NBAS: variants seen among roughly 807,000 people sequenced by gnomAD.
The protein encoded by NBAS is NBAS subunit of NRZ tethering complex.
NBAS carries 219 observed loss-of-function variants against 302.5 expected under a neutral mutation model. The ratio of observed to expected loss-of-function variants is 0.72; its 90% CI spans 0.65 to 0.81. The LOEUF (loss-of-function observed/expected upper bound fraction) is 0.81. Ranked by LOEUF, NBAS falls within the 30% of genes least tolerant of loss-of-function variation. NBAS has a pLI of 0.00. For synonymous variants in NBAS, 1,118 were observed against 1,021.6 expected, an observed-to-expected ratio of 1.09 and a Z score of -1.80; for missense variants, 2,932 against 2,841.6, an observed-to-expected ratio of 1.03 and a Z score of -0.72.
At chr2:15,239,536 A>C (rs1167713576) in intron 44 of NBAS, among the ~76,000 whole-genome samples, 1 of 151,910 alleles carries the variant, frequency 6.6e-6, no homozygotes, top group Admixed American at 6.6e-5. Context: ...GCTGAAATCC[A>C]AAATGCTCCA....
the NBAS span, among the ~76,000 whole-genome samples, chr2:15,017,072 T>C: frequency 6.6e-6 from 1 of 152,038 alleles, no homozygotes; most frequent in East Asian, 1.9e-4. Flanking sequence ...GAAAGGACAA[T>C]GTCTTCAACA....
chr2:15,037,875 T>C, the NBAS span, among the ~76,000 whole-genome samples: 2 of 152,078 alleles, frequency 1.3e-5, no homozygotes, highest in Non-Finnish European at 2.9e-5. Context: ...GTTTCAGTCA[T>C]ACTATTTGGG....
intron 24 of NBAS, among the ~76,000 whole-genome samples, 185 bp from the exon 25 acceptor site, chr2:15,415,904 T>C (rs1395200307): frequency 6.6e-6 from 1 of 152,022 alleles, no homozygotes; most frequent in Non-Finnish European, 1.5e-5. Flanking sequence ...AGCAGGAAAA[T>C]GAATCACCTG....
chr2:14,890,791 C>G, the NBAS span: 2 of 161,664 alleles, frequency 1.2e-5, no homozygotes, highest in African/African-American at 2.4e-5. Flanking sequence ...CCATTGCACT[C>G]CAGCCTGGGG....
At chr2:14,848,040 A>G in the NBAS span, among the ~76,000 whole-genome samples, 2 of 152,248 alleles carry the variant, frequency 1.3e-5, no homozygotes. Context: ...CAATATGTCA[A>G]TGAAGAAATT....
At chr2:15,182,587 G>A (rs1017509716) in intron 50 of NBAS, among the ~76,000 whole-genome samples, 8 of 152,298 alleles carry the variant, frequency 5.3e-5, no homozygotes, top group African/African-American at 1.2e-4. Context: ...TCGTCTCAGC[G>A]AAATCCTGGA....
Position 15,468,510 on chromosome 2 carries a change from C to T in NBAS, c.1749G>A (p.Trp583Ter), listed in dbSNP as rs770446752. The change falls in exon 17 of 52, where the codon TGG (tryptophan) becomes TGA (stop). Residue 583 changes from tryptophan (W) to a stop codon, truncating the protein, a stop_gained. Coordinates refer to ENST00000281513, the MANE Select transcript of NBAS (RefSeq NM_015909.4). LOFTEE classifies it high-confidence loss of function. ...NYLSKIKKRS[W>*]VLHECLERVP... ...CTCTTTCCAAACACTCATGGAGAACCCAGGATCGCTTCTTTATTTTACTCT... is the reference window on the plus strand; with the variant it reads ...CTCTTTCCAAACACTCATGGAGAACTCAGGATCGCTTCTTTATTTTACTCT... 5 of 1,613,984 alleles carry T rather than the reference C, an allele frequency of 3.1e-6. No individual in the cohort carries two copies. The Admixed American group carries it at 5.0e-5, about 16-fold the overall frequency.
the NBAS span, among the ~76,000 whole-genome samples, chr2:15,129,569 C>T: frequency 9.2e-5 from 14 of 152,204 alleles, no homozygotes; most frequent in Non-Finnish European, 1.6e-4. Context: ...CCTGCATGCA[C>T]GCAGTTTGAC....
At chr2:15,101,118 C>T in the NBAS span, among the ~76,000 whole-genome samples, 1 of 152,160 alleles carries the variant, frequency 6.6e-6, no homozygotes, top group Non-Finnish European at 1.5e-5. Context: ...GGATCGACAC[C>T]TCTTTGTGAG....
intron 9 of NBAS, among the ~76,000 whole-genome samples, chr2:15,516,722 CAAAAAAAAAAAAA>C (rs67488599): frequency 0.68 from 93,330 of 136,440 alleles, 29,958 homozygotes; most frequent in Middle Eastern, 0.73. Context: ...GACTCCATTT[CAAAAAAAAAAAAA>C]AAAAAAAAGA....
intron 28 of NBAS, among the ~76,000 whole-genome samples, chr2:15,386,403 C>CT (rs1399739379): frequency 1.3e-5 from 2 of 152,188 alleles, no homozygotes; most frequent in Non-Finnish European, 2.9e-5. Context: ...AACTGAATCT[C>CT]TAAATCCTAA....
the NBAS span, among the ~76,000 whole-genome samples, chr2:15,093,755 A>G: frequency 6.6e-6 from 1 of 152,250 alleles, no homozygotes; most frequent in Non-Finnish European, 1.5e-5. Context: ...ATGGTGTTTG[A>G]AACAATAATT....
intron 23 of NBAS, among the ~76,000 whole-genome samples, chr2:15,423,230 T>A (rs774041883): frequency 6.6e-6 from 1 of 152,218 alleles, no homozygotes; most frequent in Admixed American, 6.5e-5. Context: ...ATTCACTTCA[T>A]CGTGTTATCT....
chr2:15,100,385 A>G, the NBAS span, among the ~76,000 whole-genome samples: 2 of 152,220 alleles, frequency 1.3e-5, no homozygotes, highest in African/African-American at 4.8e-5. Flanking sequence ...GGTCAGTTGT[A>G]GGCAGGCTGT....
intron 21 of NBAS, among the ~76,000 whole-genome samples, chr2:15,437,762 T>A (rs1678104256): frequency 6.6e-6 from 1 of 152,140 alleles, no homozygotes; most frequent in Non-Finnish European, 1.5e-5. Context: ...CTAAAATTTT[T>A]AAAAATAAAT....
At chr2:14,974,050 A>C in the NBAS span, among the ~76,000 whole-genome samples, 1 of 152,186 alleles carries the variant, frequency 6.6e-6, no homozygotes, top group Admixed American at 6.5e-5. Context: ...AGAAAAGGAC[A>C]ATCTCCTCAC....
chr2:14,849,995 C>T, the NBAS span, among the ~76,000 whole-genome samples: 22 of 139,270 alleles, frequency 1.6e-4, 1 homozygote, highest in East Asian at 9.7e-4. Context: ...TGTAGACAAT[C>T]GAGACTAGGA....
chr2:14,980,503 AG>A, the NBAS span, among the ~76,000 whole-genome samples: 52 of 152,354 alleles, frequency 3.4e-4, no homozygotes, highest in Non-Finnish European at 6.9e-4. Flanking sequence ...CTCAGGTAAA[AG>A]ACTTCTAATT....
intron 5 of NBAS, 109 bp downstream of exon 5, chr2:15,553,317 A>C: frequency 1.7e-5 from 17 of 1,013,280 alleles, no homozygotes; most frequent in Non-Finnish European, 2.5e-5. Flanking sequence ...AAGTGAGTTA[A>C]TAATAAAATC....
Sources: gnomAD v4.1 joint callset for allele counts (sites outside exome capture counted in the v4.1 genomes callset) on GRCh38, gnomAD v4.1.1 for gene constraint, MANE v1.5 for transcripts, NCBI Gene and HGNC (gene_info 2026-07-23, HGNC 2026-07-21) for gene names.